The following UTS2 variants were observed in gnomAD, a reference collection of about 807,000 sequenced individuals.
The protein encoded by UTS2 is urotensin 2.
Under a neutral mutation model 12.6 loss-of-function variants are expected in UTS2, and 10 were observed. That is an observed-to-expected ratio of 0.80 (90% confidence interval 0.49 to 1.35). UTS2 has a LOEUF of 1.35. Among genes scored for constraint, UTS2 ranks in the 40% most tolerant of loss-of-function variants. UTS2 has a pLI of 0.00. For missense variants in UTS2, 142 were observed against 143.2 expected (o/e 0.99, Z 0.04); for synonymous variants, 52 against 50.0 (o/e 1.04, Z -0.17).
chr1:7,884,573 T>C, the UTS2 span, among the ~76,000 whole-genome samples: 1 of 152,206 alleles, frequency 6.6e-6, no homozygotes, highest in Non-Finnish European at 1.5e-5. Flanking sequence ...TCTCCCAAAG[T>C]GCAGGGATTA....
chr1:7,904,478 TA>T, the UTS2 span, among the ~76,000 whole-genome samples: 9,435 of 144,818 alleles, frequency 0.065, 979 homozygotes, highest in African/African-American at 0.22. Flanking sequence ...CTCCATCTCG[TA>T]AAAAAAAAAA....
rs142568146 is a variant in UTS2 at position 7,852,955 on chromosome 1, G to A, written c.49C>T (p.Pro17Ser). ...TCAAGGAGAGGAAGAGATAAGAGAG[G>A]ATTTAAGAATCCTATGAAAAGCAAA... ...CCLLFIGFLN[P>S]LLSLPLLDSR... The change falls in exon 1 of 4, where the codon CCT (proline) becomes TCT (serine). Residue 17 changes from proline to serine, a missense_variant. By Grantham distance (74) the Pro-to-Ser change is moderately conservative. Transcript: ENST00000361696. 71 of 1,613,516 alleles carry A rather than the reference G, an allele frequency of 4.4e-5. No homozygotes were observed. In the East Asian group the frequency reaches 1.6e-3, roughly 35 times the overall value.
chr1:7,888,404 G>C, the UTS2 span, among the ~76,000 whole-genome samples: 7 of 150,116 alleles, frequency 4.7e-5, no homozygotes, highest in East Asian at 1.2e-3. Context: ...TGTTCCCCCA[G>C]AGTCCAGGTT....
At chr1:7,904,903 C>CAAAA in the UTS2 span, among the ~76,000 whole-genome samples, 89 of 58,166 alleles carry the variant, frequency 1.5e-3, 4 homozygotes, top group African/African-American at 4.8e-3. Context: ...GACTCTGTCT[C>CAAAA]AAAAAAAAAA....
the UTS2 span, among the ~76,000 whole-genome samples, chr1:7,863,077 TGTATTG>T: frequency 3.4e-4 from 31 of 90,886 alleles, 2 homozygotes; most frequent in East Asian, 8.8e-3. Context: ...TGTATTGTAT[TGTATTG>T]TATTGTATTG....
chr1:7,899,235 G>A, the UTS2 span, among the ~76,000 whole-genome samples: 8 of 152,144 alleles, frequency 5.3e-5, no homozygotes, highest in Non-Finnish European at 1.0e-4. Context: ...GAGATTTGCT[G>A]AAGACACAGA....
the UTS2 span, among the ~76,000 whole-genome samples, chr1:7,891,989 A>C: frequency 6.6e-6 from 1 of 152,138 alleles, no homozygotes; most frequent in Non-Finnish European, 1.5e-5. Flanking sequence ...GTGTATACAC[A>C]CGTGCCAGCC....
chr1:7,890,969 C>CCCCCA, the UTS2 span, among the ~76,000 whole-genome samples: 1 of 44,238 alleles, frequency 2.3e-5, no homozygotes, highest in African/African-American at 6.9e-5. Context: ...TACCCTCCAC[C>CCCCCA]CCCCCCCACA....
the UTS2 span, among the ~76,000 whole-genome samples, chr1:7,873,707 T>C: frequency 6.6e-6 from 1 of 152,300 alleles, no homozygotes; most frequent in Non-Finnish European, 1.5e-5. Flanking sequence ...TGGAATCTGC[T>C]CTTGGTGAAG....
At chr1:7,905,894 T>C in the UTS2 span, among the ~76,000 whole-genome samples, 1 of 151,292 alleles carries the variant, frequency 6.6e-6, no homozygotes, top group Non-Finnish European at 1.5e-5. Flanking sequence ...TTCGTAGTGA[T>C]GAAGTGGGGC....
the UTS2 span, among the ~76,000 whole-genome samples, chr1:7,863,802 C>T: frequency 5.9e-5 from 9 of 152,324 alleles, no homozygotes; most frequent in East Asian, 3.9e-4. Context: ...AGACAACAAC[C>T]GTTTAATTGG....
chr1:7,875,060 TTTTTTCTTTTTTC>T, the UTS2 span, among the ~76,000 whole-genome samples: 1 of 151,872 alleles, frequency 6.6e-6, no homozygotes, highest in Non-Finnish European at 1.5e-5. Flanking sequence ...TCTTTATTTT[TTTTTTCTTTTTTC>T]TTTTTCTTTT....
chr1:7,861,260 C>A, the UTS2 span, among the ~76,000 whole-genome samples: 15 of 152,176 alleles, frequency 9.9e-5, no homozygotes, highest in African/African-American at 2.9e-4. Context: ...AGGGGATCGT[C>A]AGTGATTTGG....
rs1209503324 is a variant in UTS2, at chr1:7,853,000, A to T, written c.4T>A (p.Tyr2Asn). 3 of 1,611,732 alleles carry T rather than the reference A, an allele frequency of 1.9e-6. No individual in the cohort carries two copies. The highest frequency in any genetic ancestry group is 2.5e-6 in the Non-Finnish European group (3 of 1,179,304). M[Y>N]KLASCCLLFI... Reference sequence around the variant, plus strand: ...AGCAAACAGCAGGAGGCCAGCTTATACATGATCGCCACAAGATAGACGGCT... The same window carrying T: ...AGCAAACAGCAGGAGGCCAGCTTATTCATGATCGCCACAAGATAGACGGCT... The change falls in exon 1 of 4, where the codon TAT (tyrosine) becomes AAT (asparagine). Residue 2 changes from tyrosine to asparagine, a missense_variant. Coordinates refer to ENST00000361696, the MANE Select transcript of UTS2 (RefSeq NM_006786.4).
the UTS2 span, among the ~76,000 whole-genome samples, chr1:7,879,540 A>G: frequency 3.3e-5 from 5 of 152,338 alleles, no homozygotes; most frequent in South Asian, 1.0e-3. Flanking sequence ...CAGGAGTTTA[A>G]GACCAGCCTA....
At chr1:7,881,411 C>T in the UTS2 span, among the ~76,000 whole-genome samples, 51,973 of 151,976 alleles carry the variant, frequency 0.34, 9,608 homozygotes, top group South Asian at 0.45. Context: ...ACCAAAAAAT[C>T]TCTTAGAACT....
At chr1:7,889,682 G>T in the UTS2 span, among the ~76,000 whole-genome samples, 2 of 151,966 alleles carry the variant, frequency 1.3e-5, no homozygotes, top group Non-Finnish European at 2.9e-5. Flanking sequence ...AAATTAGCCG[G>T]GAGTAGTGGG....
At chr1:7,848,951 G>C (rs2097410904) in intron 3 of UTS2, among the ~76,000 whole-genome samples, 1 of 152,140 alleles carries the variant, frequency 6.6e-6, no homozygotes, top group Non-Finnish European at 1.5e-5. Context: ...TGCTTCCGCA[G>C]GTCCTAGGTG....
chr1:7,896,986 C>G, the UTS2 span, among the ~76,000 whole-genome samples: 1 of 147,390 alleles, frequency 6.8e-6, no homozygotes, highest in Non-Finnish European at 1.5e-5. Context: ...GCATGAGCCA[C>G]TGTGCCTGGC....
Sources: allele counts gnomAD v4.1 joint callset (sites outside exome capture counted in the v4.1 genomes callset), GRCh38; gene constraint gnomAD v4.1.1; transcripts MANE v1.5; gene names NCBI Gene and HGNC (gene_info 2026-07-23, HGNC 2026-07-21).